Variants in MRC2 observed in about 807,000 individuals in gnomAD.
MRC2 encodes mannose receptor C-type 2, also known as C-type mannose receptor 2.
MRC2 carries 84 observed loss-of-function variants against 206.2 expected under a neutral mutation model. The observed-to-expected ratio is 0.41, with a 90% CI of 0.34 to 0.49. MRC2 has a LOEUF of 0.49. MRC2 is among the 20% of genes least tolerant of loss of function. MRC2 has a pLI of 0.31. For synonymous variants in MRC2, 798 were observed against 800.0 expected, an observed-to-expected ratio of 1.00 and a Z score of 0.04; for missense variants, 1,676 against 2,001.5, an observed-to-expected ratio of 0.84 and a Z score of 3.10.
At chr17:62,645,517 ATATATATATATTTTTTTTTT>A (rs1314705031) in intron 1 of MRC2, among the ~76,000 whole-genome samples, 7 of 69,466 alleles carry the variant, frequency 1.0e-4, no homozygotes, top group Admixed American at 3.6e-4. Context: ...ATATATATAT[ATATATATATATTTTTTTTTT>A]TTTTTTTTTT....
intron 1 of MRC2, among the ~76,000 whole-genome samples, chr17:62,662,428 T>C (rs1281676631): frequency 1.3e-5 from 2 of 152,168 alleles, no homozygotes; most frequent in Non-Finnish European, 2.9e-5. Flanking sequence ...TTCACCACCC[T>C]CAGCCAATTT....
rs773304709 is a variant in MRC2 at position 62,680,983 on chromosome 17, G to A, written c.2634+23G>A. 6.2e-7 allele frequency: 1 copy of A among 1,612,056 alleles called. No individual in the cohort carries two copies. The highest frequency in any genetic ancestry group is 1.1e-5 in the South Asian group (1 of 91,020). On this transcript the variant is annotated intron_variant, in intron 17 of 29. Transcript: ENST00000303375. This position sits in a 1 kb window ranked among gnomAD's most constrained non-coding sequence, Gnocchi z 4.8. ...AAGGTGGGCATTGGATTGAGCAGGG[G>A]GCTGCAGGCTGGGGGAGGGCAGGCC... is the stretch of plus-strand genomic sequence containing the variant.
intron 2 of MRC2, among the ~76,000 whole-genome samples, chr17:62,665,776 A>G (rs949607049): frequency 6.6e-6 from 1 of 152,138 alleles, no homozygotes; most frequent in Admixed American, 6.5e-5. Context: ...AGCTGAGCAG[A>G]GATTCCACCG....
At position 62,666,076 on chromosome 17, in the gene MRC2, C is replaced by G; in HGVS notation, c.521-18C>G. Reference sequence around the variant, plus strand: ...GTGTCCAGATGCCAAGGGCCTGGCCCCTGTCCACCCCCTGCAGAGGTCTAC... The same window carrying G: ...GTGTCCAGATGCCAAGGGCCTGGCCGCTGTCCACCCCCTGCAGAGGTCTAC... On this transcript the variant is annotated intron_variant, in intron 2 of 29. Coordinates refer to ENST00000303375, the MANE Select transcript of MRC2 (RefSeq NM_006039.5). This position sits in a 1 kb window ranked among gnomAD's most constrained non-coding sequence, Gnocchi z 5.0. The G allele has an allele frequency of 6.4e-7, 1 of 1,572,096 alleles. No homozygotes were observed.
Position 62,664,804 on chromosome 17 carries a change from A to T in MRC2, c.375A>T (p.Thr125=), listed in dbSNP as rs774580232. ...EALNLRWHCR[T]LGDQLSLLLG... ...TGAATCTTCGCTGGCATTGTCGTAC[A>T]CTGGGTGACCAGCTGTCCTTGCTCC... The change falls in exon 2 of 30, where the codon ACA becomes ACT. Residue 125 remains threonine (T), a synonymous_variant. Transcript: ENST00000303375. The surrounding 1 kb of genome is among the most constrained non-coding windows in gnomAD (Gnocchi z 4.7). 3 of 1,613,802 alleles carry T rather than the reference A, an allele frequency of 1.9e-6. No homozygotes were observed. The African/African-American group carries it at 4.0e-5, about 22-fold the overall frequency.
intron 1 of MRC2, among the ~76,000 whole-genome samples, chr17:62,636,461 ATTTTTTTTTTTTTTT>A (rs60774612): frequency 1.3e-5 from 1 of 76,934 alleles, no homozygotes; most frequent in Admixed American, 1.6e-4. Flanking sequence ...TAATCTTCTG[ATTTTTTTTTTTTTTT>A]TTTTTTTTTT....
chr17:62,648,146 G>A (rs1293240684), intron 1 of MRC2, among the ~76,000 whole-genome samples: 2 of 152,244 alleles, frequency 1.3e-5, no homozygotes, highest in Non-Finnish European at 2.9e-5. Flanking sequence ...GCTCACGCCT[G>A]CTATCCCAGC....
rs746732949 is a variant in MRC2, at chr17:62,689,938, C to T, written c.3618C>T (p.Tyr1206=). 3.6e-5 allele frequency: 58 copies of T among 1,609,740 alleles called. No individual in the cohort carries two copies. In the South Asian group the frequency reaches 4.6e-4, roughly 13 times the overall value. The change falls in exon 25 of 30, where the codon TAC becomes TAT. Residue 1206 remains tyrosine (Y), a synonymous_variant. Transcript: ENST00000303375. ...GGGTCTCAGAGGAGCCGCTGAACTACGTGGGCTGGCAGGACGGGGAGCCGC... is the reference window on the plus strand; with the variant it reads ...GGGTCTCAGAGGAGCCGCTGAACTATGTGGGCTGGCAGGACGGGGAGCCGC... ...YSWVSEEPLN[Y]VGWQDGEPQQ...
intron 10 of MRC2, among the ~76,000 whole-genome samples, 196 bp from the exon 11 acceptor site, chr17:62,676,182 CAGCAA>C (rs2088889408): frequency 6.6e-6 from 1 of 152,194 alleles, no homozygotes; most frequent in Admixed American, 6.5e-5. Context: ...ACTTTCTTCT[CAGCAA>C]AGCAAGGGGT....
chr17:62,662,397 C>T (rs183976348), intron 1 of MRC2, among the ~76,000 whole-genome samples: 7 of 152,316 alleles, frequency 4.6e-5, no homozygotes, highest in Middle Eastern at 3.4e-3. Context: ...AACAATCTTA[C>T]GACTCTTGTC....
chr17:62,667,449 G>C lies in MRC2; in HGVS notation c.1033G>C (p.Gly345Arg). The stretch of plus-strand genomic sequence containing the variant: ...AGTGATCCGCACTGAGTCCTCGGGC[G>C]GCTGGCAGAACCGTGACTGCAGCAT... ...CGVIRTESSG[G>R]WQNRDCSIAL... is the part of the protein sequence containing the mutation. The change falls in exon 6 of 30, where the codon GGC becomes CGC. Residue 345 changes from glycine to arginine, a missense_variant. Around this residue, in one of 3 missense-constraint regions of MRC2, gnomAD observed 1,354 missense variants for 1,636.6 expected, o/e 0.83. Transcript: ENST00000303375. The surrounding 1 kb of genome is among the most constrained non-coding windows in gnomAD (Gnocchi z 4.1). 4 of 1,612,830 alleles carry C rather than the reference G, an allele frequency of 2.5e-6. No homozygotes were observed. Among genetic ancestry groups the C allele is most frequent in the Non-Finnish European group, 3.4e-6 (4 of 1,179,792 alleles).
rs909400664 is a variant in MRC2 at position 62,652,204 on chromosome 17, G to A, written c.119-12344G>A. On this transcript the variant is annotated intron_variant, in intron 1 of 29. Coordinates refer to ENST00000303375, the MANE Select transcript of MRC2 (RefSeq NM_006039.5). This position sits in a 1 kb window ranked among gnomAD's most constrained non-coding sequence, Gnocchi z 4.6. Reference sequence around the variant, plus strand: ...ATTCGTATGGATGTCTCCTAATAAAGTCACGCAGTCACTCACTGGTTCGTC... The same window carrying A: ...ATTCGTATGGATGTCTCCTAATAAAATCACGCAGTCACTCACTGGTTCGTC... 6.6e-6 allele frequency among the ~76,000 whole-genome samples: 1 copy of A among 152,242 alleles called. No homozygotes were observed. The highest frequency in any genetic ancestry group is 2.4e-5 in the African/African-American group (1 of 41,456).
intron 1 of MRC2, chr17:62,661,784 T>G (rs1284230459): frequency 6.6e-6 from 1 of 152,226 alleles, no homozygotes; most frequent in Non-Finnish European, 1.5e-5. Context: ...ACATATATTT[T>G]TGTCATTTAT....
rs763220345 is a variant in MRC2, at chr17:62,664,679, C to T, written c.250C>T (p.Arg84Trp). 21 of 1,614,004 alleles carry T rather than the reference C, an allele frequency of 1.3e-5. No individual in the cohort carries two copies. The highest frequency in any genetic ancestry group is 1.7e-5 in the Non-Finnish European group (20 of 1,180,046). The change falls in exon 2 of 30, where the codon CGG becomes TGG. Residue 84 changes from arginine to tryptophan, a missense_variant. By Grantham distance (101) the Arg-to-Trp change is moderately radical. This residue lies in a region of MRC2 where 318 missense variants were observed against 346.7 expected (regional missense o/e 0.92). Transcript: ENST00000303375. This position sits in a 1 kb window ranked among gnomAD's most constrained non-coding sequence, Gnocchi z 4.7. Reference protein sequence around the residue: ...AQRWKWVSRNRLFNLGTMQCL... With the variant: ...AQRWKWVSRNWLFNLGTMQCL... ...GCGCTGGAAGTGGGTCTCCCGAAACCGGCTATTCAACCTGGGTACCATGCA... is the reference window on the plus strand; with the variant it reads ...GCGCTGGAAGTGGGTCTCCCGAAACTGGCTATTCAACCTGGGTACCATGCA...
chr17:62,635,191 C>CTTTTTTTT (rs35446845), intron 1 of MRC2, among the ~76,000 whole-genome samples: 34 of 101,730 alleles, frequency 3.3e-4, no homozygotes, highest in African/African-American at 1.2e-3. Context: ...CTATTTTTCT[C>CTTTTTTTT]TTTTTTTTTT....
intron 1 of MRC2, among the ~76,000 whole-genome samples, chr17:62,645,081 A>G (rs2088458893): frequency 6.6e-6 from 1 of 152,206 alleles, no homozygotes; most frequent in South Asian, 2.1e-4. Context: ...AATGCAACTC[A>G]GAAGGGTGCC....
At chr17:62,687,593 A>G (rs1322522831) in intron 20 of MRC2, among the ~76,000 whole-genome samples, 1 of 152,268 alleles carries the variant, frequency 6.6e-6, no homozygotes, top group Non-Finnish European at 1.5e-5. Flanking sequence ...TGGAAACCTT[A>G]TAGAGCTAAT....
chr17:62,632,248 G>A (rs984048569), intron 1 of MRC2, among the ~76,000 whole-genome samples: 1 of 152,206 alleles, frequency 6.6e-6, no homozygotes, highest in Non-Finnish European at 1.5e-5. Flanking sequence ...GAAACAGATT[G>A]GGTCGACCCC....
intron 1 of MRC2, among the ~76,000 whole-genome samples, chr17:62,635,898 C>T (rs1395865549): frequency 6.6e-6 from 1 of 152,020 alleles, no homozygotes; most frequent in Non-Finnish European, 1.5e-5. Context: ...CGCAATTCTC[C>T]TGCCTCAGCC....
Sources: gnomAD v4.1 joint callset for allele counts (sites outside exome capture counted in the v4.1 genomes callset) on GRCh38, gnomAD v4.1.1 for gene constraint, gnomAD v4.1.1 regional missense constraint, Gnocchi (gnomAD v3.1) non-coding constraint, MANE v1.5 for transcripts, NCBI Gene and HGNC (gene_info 2026-07-23, HGNC 2026-07-21) for gene names.